The following DAB1 variants were observed in gnomAD, a reference collection of about 807,000 sequenced individuals.
The protein encoded by DAB1 is DAB adaptor protein 1, also known as disabled homolog 1.
DAB1 carries 15 observed loss-of-function variants against 64.6 expected under a neutral mutation model. That is an observed-to-expected ratio of 0.23 (90% CI 0.16 to 0.36). The LOEUF (loss-of-function observed/expected upper bound fraction) is 0.36. Ranked by LOEUF, DAB1 falls within the 10% of genes least tolerant of loss-of-function variation. The pLI, the probability that DAB1 is intolerant of heterozygous loss-of-function variation, is 1.00. For missense variants in DAB1, 596 were observed against 706.7 expected, an observed-to-expected ratio of 0.84 and a Z score of 1.78; for synonymous variants, 235 against 251.9, an observed-to-expected ratio of 0.93 and a Z score of 0.64.
At chr1:57,915,710 T>C (rs1644716727) in intron 5 of DAB1, among the ~76,000 whole-genome samples, 1 of 152,078 alleles carries the variant, frequency 6.6e-6, no homozygotes, top group South Asian at 2.1e-4. Flanking sequence ...TATGAAAAGC[T>C]TGGATATGTG....
chr1:58,235,411 T>G (rs989772775), intron 4 of DAB1, among the ~76,000 whole-genome samples: 9 of 152,208 alleles, frequency 5.9e-5, no homozygotes, highest in African/African-American at 2.2e-4. Flanking sequence ...ACAAGAATTT[T>G]CTAAGCACCT....
chr1:58,112,326 G>A (rs1356889170), intron 5 of DAB1, among the ~76,000 whole-genome samples: 1 of 152,134 alleles, frequency 6.6e-6, no homozygotes, highest in Non-Finnish European at 1.5e-5. Context: ...CCTTGTTCAG[G>A]GCCATATGCA....
At chr1:58,303,042 C>G (rs974224540) in intron 4 of DAB1, among the ~76,000 whole-genome samples, 4 of 152,174 alleles carry the variant, frequency 2.6e-5, no homozygotes, top group African/African-American at 9.6e-5. Context: ...AATTCCTTAC[C>G]AACTGGCTTT....
At chr1:57,969,992 G>A (rs138813153) in intron 5 of DAB1, among the ~76,000 whole-genome samples, 316 of 152,196 alleles carry the variant, frequency 2.1e-3, no homozygotes, top group African/African-American at 7.0e-3. Flanking sequence ...TGGAATTCAC[G>A]CCCTTAATGG....
intron 3 of DAB1, among the ~76,000 whole-genome samples, chr1:58,360,712 T>A (rs1306634110): frequency 1.3e-5 from 2 of 151,504 alleles, no homozygotes; most frequent in Non-Finnish European, 2.9e-5. Context: ...GAAAGTCAAA[T>A]ACTGCGCTAA....
chr1:57,752,004 A>G (rs769038813), intron 6 of DAB1, among the ~76,000 whole-genome samples: 14 of 152,232 alleles, frequency 9.2e-5, no homozygotes, highest in Non-Finnish European at 1.6e-4. Flanking sequence ...AAGCTTCGCA[A>G]TGAAGTCTTG....
chr1:57,383,735 AC>A (rs1173782501), intron 1 of DAB1, among the ~76,000 whole-genome samples: 1 of 152,164 alleles, frequency 6.6e-6, no homozygotes, highest in Non-Finnish European at 1.5e-5. Context: ...CCCTTACCTA[AC>A]TCCATTTACA....
intron 6 of DAB1, among the ~76,000 whole-genome samples, chr1:57,709,212 A>T (rs1647000002): frequency 6.6e-6 from 1 of 152,130 alleles, no homozygotes; most frequent in Non-Finnish European, 1.5e-5. Flanking sequence ...TGTGAACTCC[A>T]GATATTTCTG....
intron 3 of DAB1, among the ~76,000 whole-genome samples, chr1:58,348,421 T>C (rs1486032100): frequency 2.6e-5 from 4 of 152,084 alleles, no homozygotes; most frequent in African/African-American, 9.7e-5. Context: ...TTCATGGCTG[T>C]AGTTACAAAA....
intron 2 of DAB1, among the ~76,000 whole-genome samples, chr1:57,229,031 T>C (rs751742859): frequency 2.0e-5 from 3 of 152,218 alleles, no homozygotes; most frequent in Non-Finnish European, 4.4e-5. Flanking sequence ...AAAATACTTA[T>C]CACCTAAAGT....
rs145474275 is a variant in DAB1, at chr1:58,261,232, C to T, written n.309+82120G>A. Among the ~76,000 whole-genome samples, 254 of 152,152 alleles carry T rather than the reference C, an allele frequency of 1.7e-3. 1 individual carries two copies. Among genetic ancestry groups the T allele is most frequent in the African/African-American group, 5.5e-3 (230 of 41,530 alleles). Reference sequence around the variant, plus strand: ...CCAAATAAATAGCATTTTTCCCTGCCTAGGTTTTGGAAAAAATAAAAAATA... The same window carrying T: ...CCAAATAAATAGCATTTTTCCCTGCTTAGGTTTTGGAAAAAATAAAAAATA... On this transcript the variant is annotated intron_variant and non_coding_transcript_variant, in intron 4 of 20. Coordinates refer to the DAB1 transcript ENST00000485760.
intron 5 of DAB1, among the ~76,000 whole-genome samples, chr1:58,118,074 T>C (rs1434224365): frequency 1.3e-5 from 2 of 151,656 alleles, no homozygotes; most frequent in East Asian, 1.9e-4. Flanking sequence ...TGCTAACTTA[T>C]TATTTTTTTA....
chr1:57,987,284 C>T (rs1042963924), intron 5 of DAB1, among the ~76,000 whole-genome samples: 3 of 152,066 alleles, frequency 2.0e-5, no homozygotes, highest in Non-Finnish European at 4.4e-5. Context: ...TAGACACATC[C>T]GGGTTCTATT....
intron 2 of DAB1, among the ~76,000 whole-genome samples, chr1:57,176,972 T>C (rs6692110): frequency 0.035 from 2,595 of 73,826 alleles, 229 homozygotes; most frequent in East Asian, 0.085. Context: ...GCAGCAGATA[T>C]AAAAAAAAAA....
intron 11 of DAB1, among the ~76,000 whole-genome samples, chr1:57,015,645 A>T (rs1646406344): frequency 6.6e-6 from 1 of 152,206 alleles, no homozygotes. Context: ...CTCTGAGGAG[A>T]TGATCTGTAA....
intron 5 of DAB1, among the ~76,000 whole-genome samples, chr1:57,938,416 G>C (rs1207861540): frequency 6.6e-6 from 1 of 152,160 alleles, no homozygotes; most frequent in Non-Finnish European, 1.5e-5. Context: ...GGGAGACCTA[G>C]TGGGAGCTGA....
At chr1:58,028,872 A>T (rs1231897377) in intron 5 of DAB1, among the ~76,000 whole-genome samples, 4 of 152,198 alleles carry the variant, frequency 2.6e-5, no homozygotes, top group Admixed American at 6.5e-5. Context: ...AGTTGAGTTG[A>T]AACTGGGTAG....
chr1:57,569,979 T>C (rs997079005), intron 7 of DAB1, among the ~76,000 whole-genome samples: 2 of 152,146 alleles, frequency 1.3e-5, no homozygotes, highest in Admixed American at 6.5e-5. Flanking sequence ...GAGATGTGTA[T>C]GGGTTCAAGT....
intron 5 of DAB1, among the ~76,000 whole-genome samples, chr1:58,127,382 G>T (rs1302958656): frequency 6.6e-6 from 1 of 151,850 alleles, no homozygotes; most frequent in East Asian, 1.9e-4. Context: ...TGAGTAGGTT[G>T]CGAAAATTTT....
Sources: allele counts gnomAD v4.1 joint callset (sites outside exome capture counted in the v4.1 genomes callset), GRCh38; gene constraint gnomAD v4.1.1; transcripts MANE v1.5; gene names NCBI Gene and HGNC (gene_info 2026-07-23, HGNC 2026-07-21).